CACNA2D1: variants seen among roughly 807,000 people sequenced by gnomAD.
CACNA2D1 encodes the protein voltage-dependent calcium channel subunit alpha-2/delta-1.
CACNA2D1 carries 53 observed loss-of-function variants against 171.5 expected under a neutral mutation model. That is an observed-to-expected ratio of 0.31 (90% CI 0.25 to 0.39). The LOEUF is 0.39. Ranked by LOEUF, CACNA2D1 falls within the 10% of genes least tolerant of loss-of-function variation. The pLI is 1.00. For synonymous variants in CACNA2D1, 442 were observed against 443.1 expected (o/e 1.00, Z 0.03); for missense variants, 903 against 1,299.8 (o/e 0.69, Z 4.69).
intron 1 of CACNA2D1, among the ~76,000 whole-genome samples, chr7:82,428,079 T>A (rs1458011662): frequency 6.6e-6 from 1 of 150,494 alleles, no homozygotes; most frequent in East Asian, 1.9e-4. Flanking sequence ...CAGAGCAAGA[T>A]CTTGTCTTTA....
chr7:82,057,098 C>T (rs946005020), intron 10 of CACNA2D1, among the ~76,000 whole-genome samples: 3 of 152,104 alleles, frequency 2.0e-5, no homozygotes, highest in Non-Finnish European at 4.4e-5. Flanking sequence ...AACCATGGTG[C>T]TATGTGCTGA....
chr7:82,068,642 C>CCCAGACTGACACAAAACAATTGAAT (rs368951967), intron 7 of CACNA2D1, among the ~76,000 whole-genome samples: 1 of 151,490 alleles, frequency 6.6e-6, no homozygotes, highest in African/African-American at 2.4e-5. Context: ...TCTGATTGAA[C>CCCAGACTGACACAAAACAATTGAAT]CCAGACTGAC....
intron 21 of CACNA2D1, among the ~76,000 whole-genome samples, chr7:81,986,250 G>A (rs1019503758): frequency 3.9e-5 from 6 of 152,060 alleles, no homozygotes; most frequent in Admixed American, 3.3e-4. Context: ...TAACCCACTT[G>A]GTCACCTTCA....
chr7:82,015,181 C>T (rs1041193767), intron 12 of CACNA2D1, among the ~76,000 whole-genome samples: 6 of 152,086 alleles, frequency 3.9e-5, no homozygotes, highest in Admixed American at 3.9e-4. Flanking sequence ...AGCTTATTTC[C>T]CTATTTCATA....
intron 1 of CACNA2D1, among the ~76,000 whole-genome samples, chr7:82,362,990 G>C (rs1421789934): frequency 6.6e-6 from 1 of 151,920 alleles, no homozygotes; most frequent in Non-Finnish European, 1.5e-5. Context: ...AAGAAATGAT[G>C]GTATAATTGT....
At chr7:82,194,961 T>C (rs1455158698) in intron 3 of CACNA2D1, among the ~76,000 whole-genome samples, 1 of 151,990 alleles carries the variant, frequency 6.6e-6, no homozygotes, top group Non-Finnish European at 1.5e-5. Flanking sequence ...ATAATCGTAA[T>C]AGGCACAGAC....
At chr7:82,020,294 C>T (rs756811064) in intron 12 of CACNA2D1, among the ~76,000 whole-genome samples, 27 of 152,178 alleles carry the variant, frequency 1.8e-4, no homozygotes, top group South Asian at 8.3e-4. Context: ...GCCAGTCAGG[C>T]GCATTCTGCA....
At chr7:82,212,896 C>A (rs1411330081) in intron 3 of CACNA2D1, among the ~76,000 whole-genome samples, 1 of 151,656 alleles carries the variant, frequency 6.6e-6, no homozygotes, top group Non-Finnish European at 1.5e-5. Context: ...GGTACAATAT[C>A]CTAGTTCTTT....
At chr7:82,131,723 T>C (rs754579925) in intron 5 of CACNA2D1, among the ~76,000 whole-genome samples, 10 of 152,180 alleles carry the variant, frequency 6.6e-5, no homozygotes, top group Non-Finnish European at 1.3e-4. Context: ...ATGAAGAATA[T>C]GACATTGTAG....
chr7:82,188,010 T>A lies in CACNA2D1; in HGVS notation c.295-17401A>T, dbSNP rs146803043. Among the ~76,000 whole-genome samples the A allele has an allele frequency of 2.0e-5, 3 of 152,292 alleles. No individual in the cohort carries two copies. The East Asian group carries it at 5.8e-4, about 29-fold the overall frequency. On this transcript the variant is annotated intron_variant, in intron 3 of 38. Coordinates refer to ENST00000356860, the MANE Select transcript of CACNA2D1 (RefSeq NM_000722.4). ...TTCCACTTATTATATCTAATCTCTA[T>A]ACCATATTTTCTCCTTCTATAAAAT...
chr7:81,999,983 G>A (rs928208833), intron 18 of CACNA2D1, among the ~76,000 whole-genome samples: 25 of 152,060 alleles, frequency 1.6e-4, no homozygotes, highest in African/African-American at 5.6e-4. Context: ...TTTAGAGGCC[G>A]GGCACAGTGG....
At chr7:81,990,867 G>A (rs1205092187) in intron 21 of CACNA2D1, among the ~76,000 whole-genome samples, 2 of 152,128 alleles carry the variant, frequency 1.3e-5, no homozygotes, top group Non-Finnish European at 2.9e-5. Context: ...CAACTCAAAT[G>A]TACCTAATGT....
intron 2 of CACNA2D1, among the ~76,000 whole-genome samples, chr7:82,344,119 C>T (rs1217490699): frequency 1.3e-5 from 2 of 152,218 alleles, no homozygotes; most frequent in Admixed American, 1.3e-4. Context: ...GAAGGGATGT[C>T]TCATGCATTG....
intron 34 of CACNA2D1, among the ~76,000 whole-genome samples, chr7:81,963,855 T>C (rs1204398653): frequency 6.6e-6 from 1 of 152,032 alleles, no homozygotes; most frequent in African/African-American, 2.4e-5. Context: ...TGTTTTCATA[T>C]GAGAAACTGA....
At chr7:82,348,106 C>T (rs1819447037) in intron 2 of CACNA2D1, among the ~76,000 whole-genome samples, 1 of 152,156 alleles carries the variant, frequency 6.6e-6, no homozygotes, top group South Asian at 2.1e-4. Flanking sequence ...TCGATAAAGA[C>T]AGTCATATAA....
At position 82,415,662 on chromosome 7, in the gene CACNA2D1, A is replaced by C. The variant is rs144899659; in HGVS notation, c.95+27703T>G. 2.9e-3 allele frequency among the ~76,000 whole-genome samples: 441 copies of C among 152,248 alleles called. 3 individuals carry two copies. Among genetic ancestry groups the C allele is most frequent in the African/African-American group, 0.01 (416 of 41,542 alleles). ...CCAGTCATAGGCTGTGTGCCACATA[A>C]GACTTTGAATTTTGTCTTTAGCTTA... On this transcript the variant is annotated intron_variant, in intron 1 of 38. Transcript: ENST00000356860.
intron 1 of CACNA2D1, among the ~76,000 whole-genome samples, chr7:82,367,205 G>A (rs1393545596): frequency 6.6e-6 from 1 of 151,932 alleles, no homozygotes; most frequent in Non-Finnish European, 1.5e-5. Flanking sequence ...CACCATGCCT[G>A]GCTGATTTTT....
intron 3 of CACNA2D1, among the ~76,000 whole-genome samples, chr7:82,280,299 G>A (rs567607309): frequency 4.5e-4 from 68 of 152,236 alleles, no homozygotes; most frequent in Non-Finnish European, 6.9e-4. Flanking sequence ...TGACAGAGAG[G>A]AAAATTTGAG....
At chr7:81,959,199 A>T (rs1204295275) in intron 38 of CACNA2D1, 76 bp downstream of exon 38, 1 of 1,049,296 alleles carries the variant, frequency 9.5e-7, no homozygotes, top group East Asian at 2.4e-5. Context: ...TTAAAATTGC[A>T]ATTTGTATCC....
Sources: allele counts gnomAD v4.1 joint callset (sites outside exome capture counted in the v4.1 genomes callset), GRCh38; gene constraint gnomAD v4.1.1; transcripts MANE v1.5; gene names NCBI Gene and HGNC (gene_info 2026-07-23, HGNC 2026-07-21).